EHF: variants seen among roughly 807,000 people sequenced by gnomAD.
The protein encoded by EHF is ETS homologous factor, also known as ESE3 transcription factor.
In EHF, 14 loss-of-function variants were observed where a neutral mutation model predicts 45.1. The observed-to-expected ratio is 0.31, with a 90% CI of 0.21 to 0.49. The LOEUF is 0.49. Among genes scored for constraint, EHF ranks in the 20% least tolerant of loss-of-function variants. The pLI is 0.99. For synonymous variants in EHF, 136 were observed against 131.8 expected, an observed-to-expected ratio of 1.03 and a Z score of -0.22; for missense variants, 282 against 371.4, an observed-to-expected ratio of 0.76 and a Z score of 1.98.
intron 6 of EHF, among the ~76,000 whole-genome samples, chr11:34,653,138 CCA>C (rs1855346975): frequency 1.4e-5 from 2 of 146,540 alleles, no homozygotes; most frequent in South Asian, 4.4e-4. Context: ...GTGTCATCTC[CCA>C]CATCCTTCCA....
In EHF at chr11:34,646,661, A is replaced by C. The variant is rs771430010; in HGVS notation, c.320A>C (p.Asn107Thr). Residue 107 changes from asparagine (N) to threonine (T), a missense_variant, in exon 3 of 9, where the codon AAC becomes ACC. Asn to Thr is a moderately conservative substitution (Grantham distance 65). Around this residue, in one of 3 missense-constraint regions of EHF, gnomAD observed 213 missense variants for 247.3 expected, o/e 0.86. Coordinates refer to ENST00000257831, the MANE Select transcript of EHF (RefSeq NM_012153.6). ...AGTAGQLLYS[N>T]LQHLKWNGQC... Reference sequence around the variant, plus strand: ...ACGGCGGGGCAGCTCCTCTACAGCAACTTGCAGCATCTGAAGTGGAACGGT... The same window carrying C: ...ACGGCGGGGCAGCTCCTCTACAGCACCTTGCAGCATCTGAAGTGGAACGGT... The C allele has an allele frequency of 1.2e-6, 2 of 1,612,228 alleles. No homozygotes were observed. The highest frequency in any genetic ancestry group is 1.7e-6 in the Non-Finnish European group (2 of 1,179,976).
rs563103907 is a variant in EHF, at chr11:34,648,716, A to G, written c.344-303A>G. On this transcript the variant is annotated intron_variant, in intron 3 of 8. Transcript: ENST00000257831. The stretch of plus-strand genomic sequence containing the variant: ...AAGGTAAAGTGCACACACCTTCCTC[A>G]TAGCTAGTAGTTGAAAAACTGGGCT... Among the ~76,000 whole-genome samples the G allele has an allele frequency of 1.4e-4, 22 of 152,320 alleles. No individual in the cohort carries two copies. The East Asian group carries it at 4.2e-3, about 29-fold the overall frequency.
chr11:34,656,365 T>C (rs185279297), intron 6 of EHF, among the ~76,000 whole-genome samples: 23 of 152,128 alleles, frequency 1.5e-4, no homozygotes, highest in Admixed American at 7.9e-4. Flanking sequence ...TCTTCCTTTG[T>C]TATAAATGTT....
intron 2 of EHF, among the ~76,000 whole-genome samples, chr11:34,645,481 C>G (rs1590493794): frequency 6.6e-6 from 1 of 152,086 alleles, no homozygotes; most frequent in Non-Finnish European, 1.5e-5. Context: ...GATACAAAGA[C>G]AAGTAAAACA....
intron 1 of EHF, among the ~76,000 whole-genome samples, chr11:34,635,544 C>T (rs771499031): frequency 2.8e-4 from 42 of 150,576 alleles, no homozygotes; most frequent in African/African-American, 9.5e-4. Context: ...CTCTACCTCC[C>T]GGGTTCAAGT....
At chr11:34,643,578 T>C (rs1332855191) in intron 2 of EHF, among the ~76,000 whole-genome samples, 3 of 152,194 alleles carry the variant, frequency 2.0e-5, no homozygotes, top group Non-Finnish European at 4.4e-5. Flanking sequence ...AGTGGGAGGA[T>C]AATGGGAGAG....
chr11:34,623,310 T>G (rs981317998), intron 1 of EHF, among the ~76,000 whole-genome samples: 1 of 152,154 alleles, frequency 6.6e-6, no homozygotes, highest in Non-Finnish European at 1.5e-5. Flanking sequence ...GGTTTTGAAC[T>G]CCTGACCTCA....
chr11:34,631,600 T>A (rs1280826339), intron 1 of EHF: 2 of 983,590 alleles, frequency 2.0e-6, no homozygotes, highest in East Asian at 1.1e-4. Flanking sequence ...TGGCAGGAGA[T>A]GAGTGGGTCT....
intron 1 of EHF, among the ~76,000 whole-genome samples, chr11:34,625,911 G>A (rs1332493811): frequency 6.6e-6 from 1 of 151,900 alleles, no homozygotes; most frequent in South Asian, 2.1e-4. Context: ...GTTACTAGGG[G>A]TACTTGCCTA....
At position 34,656,929 on chromosome 11, in the gene EHF, A is replaced by C. The variant is rs1173192214; in HGVS notation, c.566A>C (p.Lys189Thr). ...TTAGCAGAGTCACCTGATATGAAAAAGGAGCAAGACCCCCCTGCCAAGTGC... is the reference window on the plus strand; with the variant it reads ...TTAGCAGAGTCACCTGATATGAAAACGGAGCAAGACCCCCCTGCCAAGTGC... ...LPVAESPDMKKEQDPPAKCHT... is the reference protein window; with the variant it reads ...LPVAESPDMKTEQDPPAKCHT... Residue 189 changes from lysine to threonine, a missense_variant, in exon 7 of 9, where the codon AAG (lysine) becomes ACG (threonine). By Grantham distance (78) the Lys-to-Thr change is moderately conservative (BLOSUM62 -1). Transcript: ENST00000257831. The C allele has an allele frequency of 6.2e-7, 1 of 1,613,664 alleles. No individual in the cohort carries two copies. Among genetic ancestry groups the C allele is most frequent in the Non-Finnish European group, 8.5e-7 (1 of 1,179,756 alleles).
intron 4 of EHF, among the ~76,000 whole-genome samples, chr11:34,649,339 T>A (rs1854912353): frequency 6.6e-6 from 1 of 152,090 alleles, no homozygotes; most frequent in South Asian, 2.1e-4. Flanking sequence ...TGTGGCATCA[T>A]CCAGACCTCA....
intron 1 of EHF, among the ~76,000 whole-genome samples, chr11:34,639,889 G>A (rs1024355476): frequency 3.9e-5 from 6 of 152,222 alleles, no homozygotes; most frequent in Non-Finnish European, 7.3e-5. Flanking sequence ...GCATCTCTGG[G>A]GGTTGGGAGA....
intron 1 of EHF, among the ~76,000 whole-genome samples, chr11:34,635,450 C>CT (rs56121359): frequency 0.41 from 46,150 of 112,666 alleles, 10,275 homozygotes; most frequent in East Asian, 0.88. Flanking sequence ...AAACCTTATT[C>CT]TTTTTTTTTT....
intron 1 of EHF, chr11:34,622,349 T>C (rs1320357615): frequency 2.5e-6 from 3 of 1,206,388 alleles, no homozygotes; most frequent in African/African-American, 3.1e-5. Context: ...AGGGAGAAAG[T>C]GAGTGAATGG....
chr11:34,638,123 A>G (rs1385650611), intron 1 of EHF, among the ~76,000 whole-genome samples: 2 of 152,146 alleles, frequency 1.3e-5, no homozygotes, highest in Admixed American at 1.3e-4. Context: ...GCTGGTCTCG[A>G]ACTCCTGACC....
At chr11:34,656,112 G>A (rs149922707) in intron 6 of EHF, among the ~76,000 whole-genome samples, 293 of 151,540 alleles carry the variant, frequency 1.9e-3, no homozygotes, top group Non-Finnish European at 2.7e-3. Flanking sequence ...ACACACACAC[G>A]GCTAGATCAT....
At chr11:34,642,905 AG>A (rs1386838266) in intron 2 of EHF, among the ~76,000 whole-genome samples, 178 bp downstream of exon 2, 1 of 152,196 alleles carries the variant, frequency 6.6e-6, no homozygotes, top group African/African-American at 2.4e-5. Context: ...TCCAGACAAA[AG>A]CTCGTTTGAG....
At chr11:34,627,190 A>G (rs1349651495) in intron 1 of EHF, among the ~76,000 whole-genome samples, 1 of 151,766 alleles carries the variant, frequency 6.6e-6, no homozygotes, top group African/African-American at 2.4e-5. Context: ...AAGAAATGCA[A>G]TAGGGTTTTT....
Position 34,644,783 on chromosome 11 carries a change from G to A in EHF, c.98-1656G>A, listed in dbSNP as rs375033977. On this transcript the variant is annotated intron_variant, in intron 2 of 8. Transcript: ENST00000257831. ...GCCTTTAGCTACTTGTAATTCGATA[G>A]ACCAGCAACATCAGCATCACATGGA... Among the ~76,000 whole-genome samples the A allele has an allele frequency of 8.5e-5, 13 of 152,310 alleles. No homozygotes were observed. The South Asian group carries it at 2.5e-3, about 29-fold the overall frequency.
Sources: gnomAD v4.1 joint callset for allele counts (sites outside exome capture counted in the v4.1 genomes callset) on GRCh38, gnomAD v4.1.1 for gene constraint, gnomAD v4.1.1 regional missense constraint, MANE v1.5 for transcripts, NCBI Gene and HGNC (gene_info 2026-07-23, HGNC 2026-07-21) for gene names.